The following SIPA1L2 variants were observed in gnomAD, a reference collection of about 807,000 sequenced individuals.
SIPA1L2 encodes signal induced proliferation associated 1 like 2.
A neutral mutation model predicts 163.9 loss-of-function variants in SIPA1L2; 56 were observed. The observed-to-expected ratio is 0.34, with a 90% confidence interval of 0.28 to 0.43. The LOEUF is 0.43. Among genes scored for constraint, SIPA1L2 ranks in the 20% least tolerant of loss-of-function variants. The pLI is 1.00. For synonymous variants in SIPA1L2, 877 were observed against 865.7 expected (o/e 1.01, Z -0.23); for missense variants, 1,974 against 2,193.5 (o/e 0.90, Z 2.00).
chr1:232,472,205 A>C (rs1664835460), intron 7 of SIPA1L2, among the ~76,000 whole-genome samples: 1 of 152,192 alleles, frequency 6.6e-6, no homozygotes, highest in African/African-American at 2.4e-5. Flanking sequence ...TCTGCCAAGA[A>C]TGCCCCCTTC....
intron 2 of SIPA1L2, among the ~76,000 whole-genome samples, chr1:232,552,865 C>T (rs1658477938): frequency 6.6e-6 from 1 of 152,200 alleles, no homozygotes; most frequent in African/African-American, 2.4e-5. Context: ...GGTGGCACCC[C>T]TTATGGAGGG....
At chr1:232,466,798 C>CA (rs1664543161) in intron 8 of SIPA1L2, among the ~76,000 whole-genome samples, 1 of 151,926 alleles carries the variant, frequency 6.6e-6, no homozygotes, top group South Asian at 2.1e-4. Flanking sequence ...CTCAAAAAAA[C>CA]AAAAACAGAA....
At chr1:232,423,653 G>A (rs965929335) in intron 18 of SIPA1L2, among the ~76,000 whole-genome samples, 1 of 152,188 alleles carries the variant, frequency 6.6e-6, no homozygotes, top group Admixed American at 6.5e-5. Flanking sequence ...GAAGACAAGT[G>A]AGGCAGTTTT....
At position 232,441,503 on chromosome 1, in the gene SIPA1L2, G is replaced by GT. The variant is rs765442208; in HGVS notation, c.3539-110dup. 89 of 938,486 alleles carry GT rather than the reference G, an allele frequency of 9.5e-5. No individual in the cohort carries two copies. In the East Asian group the frequency reaches 2.1e-3, roughly 22 times the overall value. 58.1% of individuals were successfully genotyped at this position (938,486 alleles called of 1,614,324 possible). A position where few individuals can be genotyped will look rare whatever the true frequency, so the allele number is the denominator to read the frequency against. On this transcript the variant is annotated intron_variant, in intron 13 of 22. Transcript: ENST00000674635. ...TTTGGTAAACATGAACAGGCTTGTGGTTCTGGGACTTTCTGGTCTTACCAA... is the reference window on the plus strand; with the variant it reads ...TTTGGTAAACATGAACAGGCTTGTGGTTTCTGGGACTTTCTGGTCTTACCAA...
At chr1:232,525,418 T>C (rs1336118074) in intron 2 of SIPA1L2, among the ~76,000 whole-genome samples, 1 of 70,788 alleles carries the variant, frequency 1.4e-5, no homozygotes. Flanking sequence ...TTTTTTTTTT[T>C]TTTTTTTTTG....
At chr1:232,472,395 C>T (rs1359630) in intron 7 of SIPA1L2, among the ~76,000 whole-genome samples, 35,175 of 152,138 alleles carry the variant, frequency 0.23, 4,311 homozygotes, top group Admixed American at 0.34. Flanking sequence ...GTCATACTGA[C>T]TTTCAGTTTC....
At position 232,490,888 on chromosome 1, in the gene SIPA1L2, G is replaced by T. The variant is rs1665895361; in HGVS notation, c.1792C>A (p.Leu598Ile). 1 of 1,613,676 alleles carries T rather than the reference G, an allele frequency of 6.2e-7. No homozygotes were observed. Among genetic ancestry groups the T allele is most frequent in the Admixed American group, 1.7e-5 (1 of 59,982 alleles). ...ATTATACACACCCCTTGTTCATCAA[G>T]CTTGAGCAGCTGCTCTGAGACCTTG... ...SPKVSEQLLK[L>I]DEQGLSFQHK... The change falls in exon 5 of 23, where the codon CTT becomes ATT. Residue 598 changes from leucine to isoleucine, a missense_variant. Transcript: ENST00000674635.
At chr1:232,568,108 G>A (rs557851307) in intron 2 of SIPA1L2, among the ~76,000 whole-genome samples, 3 of 152,302 alleles carry the variant, frequency 2.0e-5, no homozygotes, top group Admixed American at 6.5e-5. Flanking sequence ...TAATAAACCA[G>A]TATATCTAAG....
At chr1:232,603,556 C>T (rs568892046) in intron 1 of SIPA1L2, among the ~76,000 whole-genome samples, 9 of 152,090 alleles carry the variant, frequency 5.9e-5, no homozygotes, top group African/African-American at 2.2e-4. Flanking sequence ...GAGGACAAGC[C>T]GTAGGATTGG....
At chr1:232,402,002 C>T (rs1357402875) in intron 22 of SIPA1L2, among the ~76,000 whole-genome samples, 2 of 152,198 alleles carry the variant, frequency 1.3e-5, no homozygotes, top group African/African-American at 4.8e-5. Flanking sequence ...GAAGCTGATT[C>T]AAGACAGAGG....
At chr1:232,584,180 C>T (rs1435779350) in intron 1 of SIPA1L2, among the ~76,000 whole-genome samples, 2 of 152,168 alleles carry the variant, frequency 1.3e-5, no homozygotes, top group Non-Finnish European at 1.5e-5. Context: ...ACAGGCCTTG[C>T]TGGGCTTCCC....
chr1:232,594,129 G>C (rs1270549442), intron 1 of SIPA1L2, among the ~76,000 whole-genome samples: 1 of 152,168 alleles, frequency 6.6e-6, no homozygotes, highest in Admixed American at 6.5e-5. Flanking sequence ...TCTCCAGATA[G>C]AGTGAGATGA....
chr1:232,601,943 C>A (rs1160142575), intron 1 of SIPA1L2, among the ~76,000 whole-genome samples: 160 of 152,262 alleles, frequency 1.1e-3, no homozygotes, highest in South Asian at 8.5e-3. Context: ...GGGATGTCAC[C>A]TTACAAGCAT....
At chr1:232,587,483 C>G (rs1417206446) in intron 1 of SIPA1L2, among the ~76,000 whole-genome samples, 1 of 152,178 alleles carries the variant, frequency 6.6e-6, no homozygotes, top group Non-Finnish European at 1.5e-5. Flanking sequence ...GGCTCTTCAA[C>G]TGGATCTGTG....
At chr1:232,524,234 G>A (rs1376201754) in intron 2 of SIPA1L2, among the ~76,000 whole-genome samples, 2 of 152,172 alleles carry the variant, frequency 1.3e-5, no homozygotes, top group Non-Finnish European at 2.9e-5. Flanking sequence ...CTAATCTTCA[G>A]GAAGCTTAGC....
chr1:232,626,230 C>CTTTTTTT (rs56703620), intron 1 of SIPA1L2, among the ~76,000 whole-genome samples: 1 of 133,722 alleles, frequency 7.5e-6, no homozygotes, highest in Non-Finnish European at 1.6e-5. Flanking sequence ...CTAATATTTG[C>CTTTTTTT]TTTTTTTTTT....
At chr1:232,502,845 C>T (rs1305817585) in intron 3 of SIPA1L2, among the ~76,000 whole-genome samples, 1 of 152,244 alleles carries the variant, frequency 6.6e-6, no homozygotes, top group African/African-American at 2.4e-5. Context: ...AAGACGCTGC[C>T]TAGCTTTTAT....
Position 232,539,613 on chromosome 1 carries a change from C to T in SIPA1L2, c.-269-24005G>A, listed in dbSNP as rs570934520. 2.0e-5 allele frequency among the ~76,000 whole-genome samples: 3 copies of T among 152,278 alleles called. No homozygotes were observed. The South Asian group carries it at 6.2e-4, about 32-fold the overall frequency. ...ACTGAGGTTTTAAAGGAGAGGATCT[C>T]ACGCAGGTTGTACAAGAAGAGCAAA... On this transcript the variant is annotated intron_variant, in intron 2 of 22. Coordinates refer to ENST00000674635, the MANE Select transcript of SIPA1L2 (RefSeq NM_020808.5).
intron 2 of SIPA1L2, among the ~76,000 whole-genome samples, chr1:232,548,260 C>A (rs572234088): frequency 2.0e-5 from 3 of 152,206 alleles, no homozygotes; most frequent in Non-Finnish European, 4.4e-5. Context: ...AACTGTATGG[C>A]TTTCTTCTGC....
Sources: allele counts gnomAD v4.1 joint callset (sites outside exome capture counted in the v4.1 genomes callset), GRCh38; gene constraint gnomAD v4.1.1; transcripts MANE v1.5; gene names NCBI Gene and HGNC (gene_info 2026-07-23, HGNC 2026-07-21).